Variants in UBE2K observed in about 807,000 individuals in gnomAD.
UBE2K encodes the protein ubiquitin-conjugating enzyme E2 K.
In UBE2K, 6 loss-of-function variants were observed where a neutral mutation model predicts 30.0. The ratio of observed to expected loss-of-function variants is 0.20; its 90% CI spans 0.11 to 0.39. The LOEUF is 0.39. UBE2K is among the 10% of genes least tolerant of loss of function. UBE2K has a pLI of 1.00. For missense variants in UBE2K, 61 were observed against 241.6 expected (o/e 0.25, Z 4.96); for synonymous variants, 86 against 83.7 (o/e 1.03, Z -0.15).
At position 39,781,936 on chromosome 4, in the gene UBE2K, T is replaced by C; in HGVS notation, c.*3502T>C. Reference sequence around the variant, plus strand: ...GAAGAAGGCAACTTGAAGTATTTACTGATAAAATAGCCTTTATTCCCAAGT... The same window carrying C: ...GAAGAAGGCAACTTGAAGTATTTACCGATAAAATAGCCTTTATTCCCAAGT... On this transcript the variant is annotated 3_prime_UTR_variant, in exon 7 of 7. Coordinates refer to ENST00000261427, the MANE Select transcript of UBE2K (RefSeq NM_005339.5). 2.5e-6 allele frequency: 1 copy of C among 398,526 alleles called. No individual in the cohort carries two copies. The highest frequency in any genetic ancestry group is 4.4e-6 in the Non-Finnish European group (1 of 225,950). 24.7% of individuals were successfully genotyped at this position (398,526 alleles called of 1,614,324 possible).
chr4:39,711,136 A>G (rs1011930065), intron 1 of UBE2K, among the ~76,000 whole-genome samples: 15 of 148,892 alleles, frequency 1.0e-4, no homozygotes, highest in Non-Finnish European at 2.2e-4. Context: ...GAATGATTGT[A>G]ATGTATGTCT....
At position 39,734,712 on chromosome 4, in the gene UBE2K, C is replaced by T. The variant is rs756606535; in HGVS notation, c.64-2708C>T. On this transcript the variant is annotated intron_variant, in intron 1 of 6. Coordinates refer to ENST00000261427, the MANE Select transcript of UBE2K (RefSeq NM_005339.5). ...CTCTCGTCCCAGCGACTGGTTAGGC[C>T]GAGGTGGGAGAATCACCTGAGCTTG... is the stretch of plus-strand genomic sequence containing the variant. 8.0e-4 allele frequency among the ~76,000 whole-genome samples: 121 copies of T among 152,150 alleles called. 1 individual carries two copies. Among genetic ancestry groups the T allele is most frequent in the Non-Finnish European group, 6.8e-4 (46 of 68,012 alleles).
At chr4:39,702,506 G>A (rs1254363345) in intron 1 of UBE2K, among the ~76,000 whole-genome samples, 2 of 151,768 alleles carry the variant, frequency 1.3e-5, no homozygotes, top group African/African-American at 2.4e-5. Flanking sequence ...CACCCGCCTC[G>A]ACTTCCCAAA....
At chr4:39,718,732 G>A (rs372210248) in intron 1 of UBE2K, among the ~76,000 whole-genome samples, 3 of 152,226 alleles carry the variant, frequency 2.0e-5, no homozygotes, top group Admixed American at 2.0e-4. Flanking sequence ...ATCCTCCGCA[G>A]CTGCTGGCCT....
chr4:39,778,482 C>CACCA lies in UBE2K; in HGVS notation c.*51_*54dup. 1 of 1,214,138 alleles carries CACCA rather than the reference C, an allele frequency of 8.2e-7. No individual in the cohort carries two copies. The highest frequency in any genetic ancestry group is 2.3e-5 in the East Asian group (1 of 42,594). 75.2% of individuals were successfully genotyped at this position (1,214,138 alleles called of 1,614,324 possible). A position where few individuals can be genotyped will look rare whatever the true frequency, so the allele number is the denominator to read the frequency against. On this transcript the variant is annotated 3_prime_UTR_variant, in exon 7 of 7. Transcript: ENST00000261427. ...GTCAAGCTTGCCTCTTCTTGAGGAG[C>CACCA]ACCAACATCTGTTATTTTTAGGATT...
At chr4:39,757,011 G>GTTTGTTTTTTTTTTTTTTTT (rs1721558962) in intron 4 of UBE2K, among the ~76,000 whole-genome samples, 2 of 76,824 alleles carry the variant, frequency 2.6e-5, no homozygotes, top group Non-Finnish European at 5.0e-5. Context: ...TTTTTTTTTT[G>GTTTGTTTTTTTTTTTTTTTT]TTTTTTGTTT....
chr4:39,723,431 C>T (rs1262665318), intron 1 of UBE2K, among the ~76,000 whole-genome samples: 3 of 147,038 alleles, frequency 2.0e-5, no homozygotes, highest in Non-Finnish European at 4.5e-5. Context: ...TGCAGTGGCA[C>T]GATCTCTGCT....
intron 4 of UBE2K, among the ~76,000 whole-genome samples, chr4:39,766,271 T>G (rs1195915658): frequency 6.6e-6 from 1 of 152,114 alleles, no homozygotes; most frequent in Non-Finnish European, 1.5e-5. Flanking sequence ...GCACAAGAGT[T>G]CCATTTCTCC....
chr4:39,778,319 T>G lies in UBE2K; in HGVS notation c.529-41T>G, dbSNP rs765729530. 8.4e-6 allele frequency: 11 copies of G among 1,310,866 alleles called. No homozygotes were observed. In the Admixed American group the frequency reaches 9.0e-5, roughly 11 times the overall value. 81.2% of individuals were successfully genotyped at this position (1,310,866 alleles called of 1,614,324 possible). ...AATGATTCAGTATTGTTTAAATGTT[T>G]CCTTGAGATTTAATTTCCTGTCCCC... On this transcript the variant is annotated intron_variant, in intron 6 of 6. Transcript: ENST00000261427.
chr4:39,737,184 A>G (rs190672643), intron 1 of UBE2K, among the ~76,000 whole-genome samples: 4 of 152,294 alleles, frequency 2.6e-5, no homozygotes, highest in Admixed American at 2.6e-4. Flanking sequence ...TCAAGAAGCC[A>G]TTGTATTGTT....
chr4:39,770,465 GTT>G (rs1712714635), intron 4 of UBE2K: 1 of 1,611,266 alleles, frequency 6.2e-7, no homozygotes, highest in South Asian at 1.1e-5. Context: ...TGCACTTGAT[GTT>G]CTTTAAGGGG....
chr4:39,710,717 C>T (rs915264668), intron 1 of UBE2K, among the ~76,000 whole-genome samples: 4 of 152,054 alleles, frequency 2.6e-5, no homozygotes, highest in African/African-American at 4.8e-5. Flanking sequence ...CAGGTCTGTG[C>T]GTCCAAAATA....
chr4:39,779,599 CTT>C lies in UBE2K; in HGVS notation c.*1166_*1167del, dbSNP rs925537793. ...ACGAGAATTGAAAACTTTACCTTCT[CTT>C]GTACATAGTCAGACTATTTGTATTA... On this transcript the variant is annotated 3_prime_UTR_variant, in exon 7 of 7. Transcript: ENST00000261427. The C allele has an allele frequency of 4.6e-5, 7 of 152,596 alleles. No individual in the cohort carries two copies. Among genetic ancestry groups the C allele is most frequent in the Non-Finnish European group, 1.0e-4 (7 of 68,036 alleles). 9.5% of individuals were successfully genotyped at this position (152,596 alleles called of 1,614,324 possible). A position where few individuals can be genotyped will look rare whatever the true frequency, so the allele number is the denominator to read the frequency against.
rs549477610 is a variant in UBE2K, at chr4:39,713,619, G to A, written c.63+15229G>A. Among the ~76,000 whole-genome samples, 4 of 151,356 alleles carry A rather than the reference G, an allele frequency of 2.6e-5. No individual in the cohort carries two copies. The South Asian group carries it at 8.4e-4, about 32-fold the overall frequency. ...TTCTAACCATTTTAAATGTTCAGTG[G>A]CATTAAGGACATTGTGTAGCTATCA... is the stretch of plus-strand genomic sequence containing the variant. On this transcript the variant is annotated intron_variant, in intron 1 of 6. Coordinates refer to ENST00000261427, the MANE Select transcript of UBE2K (RefSeq NM_005339.5).
chr4:39,704,704 C>A (rs1718233255), intron 1 of UBE2K, among the ~76,000 whole-genome samples: 1 of 151,944 alleles, frequency 6.6e-6, no homozygotes, highest in Non-Finnish European at 1.5e-5. Flanking sequence ...CCATGCCCAG[C>A]TAATTTATGT....
At chr4:39,739,012 A>G (rs908969920) in intron 2 of UBE2K, among the ~76,000 whole-genome samples, 2 of 140,506 alleles carry the variant, frequency 1.4e-5, no homozygotes, top group Non-Finnish European at 3.0e-5. Context: ...ATAATTCTGT[A>G]ATGAACAGTT....
At chr4:39,721,863 A>G (rs567930520) in intron 1 of UBE2K, among the ~76,000 whole-genome samples, 3 of 152,222 alleles carry the variant, frequency 2.0e-5, no homozygotes, top group African/African-American at 7.2e-5. Context: ...CTGAGGCAGG[A>G]GGATAAGTTG....
At position 39,778,840 on chromosome 4, in the gene UBE2K, T is replaced by G. The variant is rs879883887; in HGVS notation, c.*406T>G. 2 of 154,930 alleles carry G rather than the reference T, an allele frequency of 1.3e-5. No homozygotes were observed. Among genetic ancestry groups the G allele is most frequent in the Admixed American group, 6.4e-5 (1 of 15,568 alleles). 9.6% of individuals were successfully genotyped at this position (154,930 alleles called of 1,614,324 possible). A position where few individuals can be genotyped will look rare whatever the true frequency, so the allele number is the denominator to read the frequency against. On this transcript the variant is annotated 3_prime_UTR_variant, in exon 7 of 7. Transcript: ENST00000261427. ...GGTGTTGCATCACAGCTACCTTAAC[T>G]GTTTTTAACATGGATCCTCTGTGCC...
chr4:39,709,745 AG>A (rs1401862915), intron 1 of UBE2K, among the ~76,000 whole-genome samples: 1 of 152,072 alleles, frequency 6.6e-6, no homozygotes, highest in East Asian at 1.9e-4. Flanking sequence ...ATCTTTCTTT[AG>A]GAGACAGTTA....
Sources: allele counts gnomAD v4.1 joint callset (sites outside exome capture counted in the v4.1 genomes callset), GRCh38; gene constraint gnomAD v4.1.1; transcripts MANE v1.5; gene names NCBI Gene and HGNC (gene_info 2026-07-23, HGNC 2026-07-21).